Variants in CDH13 observed in about 807,000 individuals in gnomAD.
CDH13 encodes cadherin-13.
In CDH13, 24 loss-of-function variants were observed where a neutral mutation model predicts 63.8. The observed-to-expected ratio is 0.38, with a 90% CI of 0.27 to 0.53. CDH13 has a LOEUF of 0.53. Ranked by LOEUF, CDH13 falls within the 20% of genes least tolerant of loss-of-function variation. CDH13 has a pLI of 0.85. For synonymous variants in CDH13, 503 were observed against 355.3 expected (o/e 1.42, Z -4.67); for missense variants, 1,049 against 903.1 (o/e 1.16, Z -2.07).
At chr16:83,196,773 T>G (rs777302718) in intron 4 of CDH13, among the ~76,000 whole-genome samples, 1 of 152,180 alleles carries the variant, frequency 6.6e-6, no homozygotes, top group African/African-American at 2.4e-5. Flanking sequence ...GTTAATTTAT[T>G]TTTAAAAAGC....
chr16:83,016,869 T>C (rs1339374863), intron 2 of CDH13, among the ~76,000 whole-genome samples: 2 of 152,198 alleles, frequency 1.3e-5, no homozygotes, highest in African/African-American at 4.8e-5. Context: ...ATTTATGACA[T>C]TTATGAAAAC....
At chr16:82,892,951 A>C (rs1021229854) in intron 2 of CDH13, among the ~76,000 whole-genome samples, 3 of 152,234 alleles carry the variant, frequency 2.0e-5, no homozygotes, top group Non-Finnish European at 4.4e-5. Flanking sequence ...TCCAAGACAA[A>C]GTTTGTAAAA....
At chr16:83,557,390 C>G (rs942333941) in intron 7 of CDH13, among the ~76,000 whole-genome samples, 1 of 152,168 alleles carries the variant, frequency 6.6e-6, no homozygotes, top group Non-Finnish European at 1.5e-5. Context: ...AAACCATCCC[C>G]ACTCTGGTCC....
At chr16:82,659,451 C>A (rs895534081) in intron 1 of CDH13, among the ~76,000 whole-genome samples, 2 of 152,104 alleles carry the variant, frequency 1.3e-5, no homozygotes, top group African/African-American at 4.8e-5. Flanking sequence ...TTGGCACATT[C>A]CTTAAAAATG....
At chr16:83,471,894 T>A (rs975387538) in intron 6 of CDH13, among the ~76,000 whole-genome samples, 4 of 152,202 alleles carry the variant, frequency 2.6e-5, no homozygotes, top group Non-Finnish European at 5.9e-5. Flanking sequence ...GTTAAAATGG[T>A]GATTGTCTCC....
intron 5 of CDH13, among the ~76,000 whole-genome samples, chr16:83,226,078 C>T (rs747126292): frequency 7.2e-5 from 11 of 152,238 alleles, no homozygotes; most frequent in Non-Finnish European, 1.3e-4. Context: ...CGCTTGTCTT[C>T]TGAGTGCTTG....
chr16:83,424,158 A>T (rs943894315), intron 6 of CDH13, among the ~76,000 whole-genome samples: 1 of 151,888 alleles, frequency 6.6e-6, no homozygotes, highest in Admixed American at 6.5e-5. Context: ...TGGACTGAAA[A>T]GTCTAGAAGA....
intron 2 of CDH13, among the ~76,000 whole-genome samples, chr16:82,964,330 A>G (rs1271888674): frequency 2.6e-5 from 4 of 152,244 alleles, no homozygotes; most frequent in Non-Finnish European, 5.9e-5. Flanking sequence ...CTAGACTGAA[A>G]AGGAAAATAT....
At chr16:83,529,596 T>G (rs2075038070) in intron 7 of CDH13, among the ~76,000 whole-genome samples, 1 of 152,108 alleles carries the variant, frequency 6.6e-6, no homozygotes, top group Admixed American at 6.5e-5. Context: ...TCATAAAAAT[T>G]CCCTGTGTGT....
intron 3 of CDH13, among the ~76,000 whole-genome samples, chr16:83,062,279 T>C (rs72796228): frequency 0.043 from 6,473 of 152,292 alleles, 232 homozygotes; most frequent in African/African-American, 0.095. Flanking sequence ...ACCTCACTTG[T>C]GTGTGTTTTC....
intron 1 of CDH13, among the ~76,000 whole-genome samples, chr16:82,738,127 AG>A (rs1256455444): frequency 6.6e-6 from 1 of 152,236 alleles, no homozygotes; most frequent in Non-Finnish European, 1.5e-5. Flanking sequence ...GTTTCATGAC[AG>A]TCTGTCCTCT....
At chr16:83,151,787 A>C (rs934708222) in intron 4 of CDH13, among the ~76,000 whole-genome samples, 1 of 152,164 alleles carries the variant, frequency 6.6e-6, no homozygotes, top group African/African-American at 2.4e-5. Flanking sequence ...CAACATGGTG[A>C]AACTGTCTCT....
intron 5 of CDH13, among the ~76,000 whole-genome samples, chr16:83,270,517 C>A (rs2088769848): frequency 6.6e-6 from 1 of 152,168 alleles, no homozygotes; most frequent in African/African-American, 2.4e-5. Flanking sequence ...CATCAATTAT[C>A]AATGTCGGTA....
intron 2 of CDH13, among the ~76,000 whole-genome samples, chr16:82,959,904 TTC>T (rs1640521418): frequency 1.3e-5 from 2 of 152,226 alleles, no homozygotes; most frequent in African/African-American, 4.8e-5. Flanking sequence ...GAGGTTTTCA[TTC>T]TCTGAGATGA....
At chr16:83,678,519 C>G (rs1915149537) in intron 10 of CDH13, 58 bp downstream of exon 10, 1 of 1,597,892 alleles carries the variant, frequency 6.3e-7, no homozygotes, top group Non-Finnish European at 8.6e-7. Context: ...CTTTTCCTTT[C>G]CAGTCGCAGA....
intron 2 of CDH13, among the ~76,000 whole-genome samples, chr16:83,019,900 T>A (rs1231372904): frequency 1.3e-5 from 2 of 151,818 alleles, no homozygotes; most frequent in African/African-American, 4.8e-5. Context: ...GTAGCATAGT[T>A]GTTTATTATC....
chr16:83,051,245 T>C (rs938599399), intron 3 of CDH13, among the ~76,000 whole-genome samples: 2 of 152,190 alleles, frequency 1.3e-5, no homozygotes, highest in East Asian at 1.9e-4. Flanking sequence ...CTGTCATTCA[T>C]GTGATTCTCC....
chr16:83,058,039 A>G (rs1211461865), intron 3 of CDH13, among the ~76,000 whole-genome samples: 1 of 152,238 alleles, frequency 6.6e-6, no homozygotes, highest in Non-Finnish European at 1.5e-5. Context: ...CTTTACTTTC[A>G]AAAGTAAGAA....
At chr16:82,748,342 C>G (rs896479761) in intron 1 of CDH13, among the ~76,000 whole-genome samples, 1 of 152,166 alleles carries the variant, frequency 6.6e-6, no homozygotes, top group African/African-American at 2.4e-5. Context: ...GTGTGTTTTG[C>G]TTGGTATCAG....
Sources: allele counts gnomAD v4.1 joint callset (sites outside exome capture counted in the v4.1 genomes callset), GRCh38; gene constraint gnomAD v4.1.1; transcripts MANE v1.5; gene names NCBI Gene and HGNC (gene_info 2026-07-23, HGNC 2026-07-21).